The following GRID2 variants were observed in gnomAD, a reference collection of about 807,000 sequenced individuals.
The protein encoded by GRID2 is glutamate receptor ionotropic, delta-2.
A neutral mutation model predicts 114.8 loss-of-function variants in GRID2; 33 were observed. The ratio of observed to expected loss-of-function variants is 0.29; its 90% confidence interval spans 0.22 to 0.38. The LOEUF is 0.38. Ranked by LOEUF, GRID2 falls within the 10% of genes least tolerant of loss-of-function variation. The pLI is 1.00. For missense variants in GRID2, 1,184 were observed against 1,257.7 expected (o/e 0.94, Z 0.89); for synonymous variants, 505 against 449.9 (o/e 1.12, Z -1.55).
chr4:93,371,469 G>A (rs539767210), intron 8 of GRID2, among the ~76,000 whole-genome samples: 1 of 151,724 alleles, frequency 6.6e-6, no homozygotes, highest in Non-Finnish European at 1.5e-5. Flanking sequence ...AAAGAGTGAA[G>A]CCTTTTACTC....
intron 2 of GRID2, among the ~76,000 whole-genome samples, chr4:92,782,218 T>C (rs1739113284): frequency 6.6e-6 from 1 of 152,048 alleles, no homozygotes; most frequent in East Asian, 1.9e-4. Context: ...ATCAGTAAAA[T>C]TTCTTCAGGA....
intron 2 of GRID2, among the ~76,000 whole-genome samples, chr4:92,894,441 CAG>C (rs1285112447): frequency 6.6e-6 from 1 of 151,904 alleles, no homozygotes; most frequent in Non-Finnish European, 1.5e-5. Context: ...TTTTATAAGA[CAG>C]GGGTTTTACA....
intron 2 of GRID2, among the ~76,000 whole-genome samples, chr4:92,801,782 A>G (rs1476648008): frequency 6.6e-6 from 1 of 151,892 alleles, no homozygotes; most frequent in Non-Finnish European, 1.5e-5. Context: ...GGTGCCTTAC[A>G]TTTATTAACT....
At chr4:92,416,264 T>G (rs1375892408) in intron 1 of GRID2, among the ~76,000 whole-genome samples, 2 of 152,150 alleles carry the variant, frequency 1.3e-5, no homozygotes, top group African/African-American at 2.4e-5. Flanking sequence ...TTAGTTTTTC[T>G]TGCTGATTTG....
intron 9 of GRID2, among the ~76,000 whole-genome samples, chr4:93,410,467 C>T (rs182973053): frequency 2.0e-5 from 3 of 152,190 alleles, no homozygotes; most frequent in Admixed American, 2.0e-4. Flanking sequence ...TGCTTTCAGA[C>T]CTTACCTTCC....
intron 4 of GRID2, among the ~76,000 whole-genome samples, chr4:93,161,863 T>C (rs1260922682): frequency 1.3e-5 from 2 of 151,842 alleles, no homozygotes; most frequent in African/African-American, 4.8e-5. Flanking sequence ...TTTTATACTT[T>C]AAGTTTTTCT....
chr4:92,650,523 A>T (rs560783559), intron 2 of GRID2, among the ~76,000 whole-genome samples: 1 of 152,180 alleles, frequency 6.6e-6, no homozygotes, highest in East Asian at 1.9e-4. Flanking sequence ...TCCCTTTGGT[A>T]ATAAGGATTA....
At chr4:93,252,329 ATT>A (rs56056248) in intron 8 of GRID2, among the ~76,000 whole-genome samples, 3 of 119,742 alleles carry the variant, frequency 2.5e-5, no homozygotes. Context: ...GGAATCCTTC[ATT>A]TTTTTTTTTT....
chr4:93,087,292 G>A (rs1287427894), intron 3 of GRID2, among the ~76,000 whole-genome samples: 2 of 151,672 alleles, frequency 1.3e-5, no homozygotes, highest in East Asian at 1.9e-4. Flanking sequence ...CACCCACCTC[G>A]GCCTCCCAAA....
At chr4:93,690,259 T>C (rs748151675) in intron 14 of GRID2, among the ~76,000 whole-genome samples, 2 of 151,982 alleles carry the variant, frequency 1.3e-5, no homozygotes, top group African/African-American at 2.4e-5. Context: ...TTCAAACAAA[T>C]GCTAGGCTAT....
intron 13 of GRID2, among the ~76,000 whole-genome samples, chr4:93,594,350 C>T (rs1031031099): frequency 2.6e-5 from 4 of 152,152 alleles, no homozygotes; most frequent in African/African-American, 9.7e-5. Flanking sequence ...GAGGGTGCCT[C>T]CCAGTTAGGC....
chr4:93,237,794 C>G (rs902645684), intron 7 of GRID2, among the ~76,000 whole-genome samples: 6 of 151,706 alleles, frequency 4.0e-5, no homozygotes, highest in African/African-American at 1.2e-4. Context: ...CAGCACTACC[C>G]GTTAAGAGCA....
chr4:92,421,950 A>G (rs1731930498), intron 1 of GRID2, among the ~76,000 whole-genome samples: 1 of 152,168 alleles, frequency 6.6e-6, no homozygotes, highest in South Asian at 2.1e-4. Context: ...GTAGAGTCAG[A>G]AAATAATAAA....
chr4:93,483,687 G>T (rs888380130), intron 11 of GRID2, among the ~76,000 whole-genome samples: 1 of 151,944 alleles, frequency 6.6e-6, no homozygotes, highest in African/African-American at 2.4e-5. Context: ...CAGTAGCAAG[G>T]TTAATGTAGT....
intron 4 of GRID2, among the ~76,000 whole-genome samples, chr4:93,122,526 A>G (rs1264333729): frequency 6.6e-6 from 1 of 152,146 alleles, no homozygotes; most frequent in African/African-American, 2.4e-5. Context: ...TGAAATAAGA[A>G]TCTTCCTGTG....
At chr4:92,605,585 AAAAC>A (rs749447154) in intron 2 of GRID2, among the ~76,000 whole-genome samples, 3 of 152,116 alleles carry the variant, frequency 2.0e-5, no homozygotes, top group South Asian at 2.1e-4. Context: ...ATGGATGCCA[AAAAC>A]AAACAAAAAA....
chr4:93,171,674 T>C (rs116628186), intron 4 of GRID2, among the ~76,000 whole-genome samples: 3,915 of 151,990 alleles, frequency 0.026, 168 homozygotes, highest in African/African-American at 0.089. Context: ...GAAGAGGAGG[T>C]TTACGAAGAA....
At chr4:93,691,838 T>C (rs962978628) in intron 14 of GRID2, among the ~76,000 whole-genome samples, 1 of 151,982 alleles carries the variant, frequency 6.6e-6, no homozygotes, top group African/African-American at 2.4e-5. Context: ...TTTCATTCTC[T>C]GAGATCTGAC....
chr4:93,105,323 T>G (rs1352107975), intron 3 of GRID2, among the ~76,000 whole-genome samples: 2 of 152,314 alleles, frequency 1.3e-5, no homozygotes, highest in South Asian at 2.1e-4. Context: ...TAGACCCCAT[T>G]TGTCAATTTT....
Sources: allele counts gnomAD v4.1 joint callset (sites outside exome capture counted in the v4.1 genomes callset), GRCh38; gene constraint gnomAD v4.1.1; transcripts MANE v1.5; gene names NCBI Gene and HGNC (gene_info 2026-07-23, HGNC 2026-07-21).